The following USP6 variants were observed in gnomAD, a reference collection of about 807,000 sequenced individuals.
The protein encoded by USP6 is ubiquitin carboxyl-terminal hydrolase 6.
A neutral mutation model predicts 175.7 loss-of-function variants in USP6; 128 were observed. The observed-to-expected ratio is 0.73, with a 90% confidence interval of 0.63 to 0.84. USP6 has a LOEUF of 0.84. USP6 is among the 40% of genes least tolerant of loss of function. The pLI is 0.00. For synonymous variants in USP6, 562 were observed against 630.6 expected, an observed-to-expected ratio of 0.89 and a Z score of 1.63; for missense variants, 1,498 against 1,760.3, an observed-to-expected ratio of 0.85 and a Z score of 2.67.
At chr17:5,122,772 C>G (rs1246552425) in intron 4 of USP6, among the ~76,000 whole-genome samples, 2 of 152,260 alleles carry the variant, frequency 1.3e-5, no homozygotes, top group Non-Finnish European at 2.9e-5. Context: ...TCCCACCTCT[C>G]AGGTCCGGTA....
rs2073143415 is a variant in USP6, at chr17:5,133,477, A to G, written c.311A>G (p.Asn104Ser). The G allele has an allele frequency of 3.7e-6, 6 of 1,611,726 alleles. No homozygotes were observed. The highest frequency in any genetic ancestry group is 5.1e-6 in the Non-Finnish European group (6 of 1,179,698). Residue 104 changes from asparagine to serine, a missense_variant, in exon 14 of 38, where the codon AAC becomes AGC. Coordinates refer to ENST00000574788, the MANE Select transcript of USP6 (RefSeq NM_001304284.2). ...IDRVYKGIPM[N>S]IRGPVWSVLL... ...CGAGTGTACAAGGGAATTCCCATGAACATCCGGGGCCCGGTGTGGTCAGTC... is the reference window on the plus strand; with the variant it reads ...CGAGTGTACAAGGGAATTCCCATGAGCATCCGGGGCCCGGTGTGGTCAGTC...
intron 24 of USP6, 54 bp from the exon 25 acceptor site, chr17:5,142,343 A>G (rs1384927650): frequency 6.9e-6 from 11 of 1,594,828 alleles, no homozygotes; most frequent in Non-Finnish European, 8.6e-6. Context: ...CTTTGCCCAC[A>G]TGATTGTGAT....
chr17:5,142,183 G>T, intron 24 of USP6, 42 bp downstream of exon 24: 1 of 1,589,924 alleles, frequency 6.3e-7, no homozygotes, highest in Admixed American at 1.8e-5. Flanking sequence ...CTGTGACTTT[G>T]ATATAAACCC....
intron 29 of USP6, 79 bp from the exon 30 acceptor site, chr17:5,148,477 G>T: frequency 2.0e-6 from 3 of 1,504,474 alleles, no homozygotes; most frequent in Non-Finnish European, 2.7e-6. Flanking sequence ...ACTGTCTCTC[G>T]TCCTCAGGAT....
At chr17:5,143,314 G>A (rs1297001575) in intron 25 of USP6, among the ~76,000 whole-genome samples, 3 of 152,254 alleles carry the variant, frequency 2.0e-5, no homozygotes, top group Non-Finnish European at 4.4e-5. Flanking sequence ...GAATAGAAAA[G>A]GGGGAAAGGT....
At chr17:5,150,618 C>T (rs1241553246) in intron 30 of USP6, among the ~76,000 whole-genome samples, 1 of 151,884 alleles carries the variant, frequency 6.6e-6, no homozygotes, top group Non-Finnish European at 1.5e-5. Context: ...CCTCAGCCTC[C>T]CGAGTAGCTA....
intron 25 of USP6, 87 bp from the exon 26 acceptor site, chr17:5,144,603 A>C: frequency 2.8e-6 from 4 of 1,437,154 alleles, no homozygotes; most frequent in Admixed American, 2.2e-5. Context: ...TTATTTTCTT[A>C]CAATGGCTCT....
In USP6 at chr17:5,132,870, C is replaced by T. The variant is rs2073119094; in HGVS notation, c.196-40C>T. 1 of 1,611,914 alleles carries T rather than the reference C, an allele frequency of 6.2e-7. No homozygotes were observed. ...AGCATCCATGGGCGGCTCTGGGAAG[C>T]CTGGCAGCTCCACTAACTCCAACAT... On this transcript the variant is annotated intron_variant, in intron 12 of 37. Transcript: ENST00000574788. This position sits in a 1 kb window ranked among gnomAD's most constrained non-coding sequence, Gnocchi z 4.7.
At position 5,161,021 on chromosome 17, in the gene USP6, TA is replaced by T. The variant is rs201276545; in HGVS notation, c.2829-499del. 2.9e-4 allele frequency among the ~76,000 whole-genome samples: 44 copies of T among 152,048 alleles called. No individual in the cohort carries two copies. In the East Asian group the frequency reaches 7.1e-3, roughly 25 times the overall value. ...ATGTACCCTAAAGCTTAAAGTATAA[TA>T]AAAAAAAGAAGTTACTCCAAAAATG... is the stretch of plus-strand genomic sequence containing the variant. On this transcript the variant is annotated intron_variant, in intron 31 of 37. Transcript: ENST00000574788.
intron 4 of USP6, among the ~76,000 whole-genome samples, chr17:5,123,713 G>C (rs2072787703): frequency 6.6e-6 from 1 of 152,136 alleles, no homozygotes; most frequent in Non-Finnish European, 1.5e-5. Flanking sequence ...TCGCTCTCAC[G>C]GGACACACGC....
At chr17:5,166,298 C>T (rs1380070298) in intron 33 of USP6, among the ~76,000 whole-genome samples, 21 of 152,190 alleles carry the variant, frequency 1.4e-4, no homozygotes, top group Admixed American at 9.8e-4. Flanking sequence ...AGCTCTTTAG[C>T]CTGGGTAGTT....
Position 5,142,425 on chromosome 17 carries a change from A to G in USP6, c.1741A>G (p.Met581Val). 2 of 1,613,950 alleles carry G rather than the reference A, an allele frequency of 1.2e-6. No individual in the cohort carries two copies. Among genetic ancestry groups the G allele is most frequent in the Non-Finnish European group, 1.7e-6 (2 of 1,179,830 alleles). The change falls in exon 25 of 38, where the codon ATG becomes GTG. Residue 581 changes from methionine (M) to valine (V), a missense_variant. Met to Val is a conservative substitution (Grantham distance 21). Around this residue, in one of 2 missense-constraint regions of USP6, gnomAD observed 1,217 missense variants for 1,500.8 expected, o/e 0.81. Transcript: ENST00000574788. Reference protein sequence around the residue: ...RTNPIGMKGHMAKCYGDLVQE... With the variant: ...RTNPIGMKGHVAKCYGDLVQE... ...AAATCCCATTGGTATGAAGGGGCAT[A>G]TGGCTAAATGCTATGGTGATTTAGT...
At chr17:5,163,853 G>C (rs184728666) in intron 33 of USP6, among the ~76,000 whole-genome samples, 1 of 152,132 alleles carries the variant, frequency 6.6e-6, no homozygotes, top group African/African-American at 2.4e-5. Flanking sequence ...TTCCATTTTG[G>C]GTACCTAAGA....
rs9899710 is a variant in USP6, at chr17:5,161,774, G to A, written c.2915+160G>A. Reference sequence around the variant, plus strand: ...CTCAGGCCTGTAATCCCATCACTTTGAGAAGCCGAGGCGGGTGGATCACCT... The same window carrying A: ...CTCAGGCCTGTAATCCCATCACTTTAAGAAGCCGAGGCGGGTGGATCACCT... On this transcript the variant is annotated intron_variant, in intron 32 of 37. Coordinates refer to ENST00000574788, the MANE Select transcript of USP6 (RefSeq NM_001304284.2). Among the ~76,000 whole-genome samples, 75 of 152,220 alleles carry A rather than the reference G, an allele frequency of 4.9e-4. 2 individuals are homozygous for A. The highest frequency in any genetic ancestry group is 1.6e-3 in the African/African-American group (68 of 41,582).
chr17:5,132,401 C>T lies in USP6; in HGVS notation c.161C>T (p.Thr54Met), dbSNP rs140279827. 67 of 1,612,170 alleles carry T rather than the reference C, an allele frequency of 4.2e-5. No homozygotes were observed. The Admixed American group carries it at 4.7e-4, about 11-fold the overall frequency. ...SIDRFGILHETELPPVTAREA... is the reference protein window; with the variant it reads ...SIDRFGILHEMELPPVTAREA... The stretch of plus-strand genomic sequence containing the variant: ...CTGCCTGGGTTGCCTTACAGTGAGA[C>T]GGAGCTGCCTCCTGTGACTGCACGG... Residue 54 changes from threonine to methionine, a missense_variant, in exon 12 of 38, where the codon ACG becomes ATG. By Grantham distance (81) the Thr-to-Met change is moderately conservative. Around this residue, in one of 2 missense-constraint regions of USP6, gnomAD observed 281 missense variants for 259.6 expected, o/e 1.08. Transcript: ENST00000574788. The surrounding 1 kb of genome is among the most constrained non-coding windows in gnomAD (Gnocchi z 4.7).
At chr17:5,138,893 C>T in intron 21 of USP6, 1 of 905,756 alleles carries the variant, frequency 1.1e-6, no homozygotes, top group Non-Finnish European at 1.6e-6. Context: ...GGAGACAGGT[C>T]CCCATGTGAG....
intron 7 of USP6, among the ~76,000 whole-genome samples, chr17:5,127,858 G>C (rs1411600997): frequency 6.6e-6 from 1 of 152,200 alleles, no homozygotes; most frequent in African/African-American, 2.4e-5. Context: ...ACTGTATTTA[G>C]GGAATGATGA....
intron 35 of USP6, among the ~76,000 whole-genome samples, 180 bp downstream of exon 35, chr17:5,169,235 T>G (rs1039324031): frequency 1.3e-5 from 2 of 152,160 alleles, no homozygotes; most frequent in Non-Finnish European, 2.9e-5. Context: ...CTGAATCTAT[T>G]TCCTCATCTG....
chr17:5,123,290 C>T (rs1356436653), intron 4 of USP6, among the ~76,000 whole-genome samples: 5 of 152,126 alleles, frequency 3.3e-5, no homozygotes, highest in African/African-American at 1.2e-4. Flanking sequence ...GCCTTTTCCC[C>T]GCACCGCCGG....
Sources: allele counts gnomAD v4.1 joint callset (sites outside exome capture counted in the v4.1 genomes callset), GRCh38; gene constraint gnomAD v4.1.1; regional missense constraint gnomAD v4.1.1; non-coding constraint Gnocchi (gnomAD v3.1); transcripts MANE v1.5; gene names NCBI Gene and HGNC (gene_info 2026-07-23, HGNC 2026-07-21).